Variants in RYR3 observed in about 807,000 individuals in gnomAD.
RYR3 encodes the protein ryanodine receptor 3, also known as brain ryanodine receptor-calcium release channel.
RYR3 carries 207 observed loss-of-function variants against 584.3 expected under a neutral mutation model. That is an observed-to-expected ratio of 0.35 (90% CI 0.32 to 0.40). RYR3 has a LOEUF of 0.40. Among genes scored for constraint, RYR3 ranks in the 10% least tolerant of loss-of-function variants. RYR3 has a pLI of 1.00. For missense variants in RYR3, 5,616 were observed against 6,089.2 expected, an observed-to-expected ratio of 0.92 and a Z score of 2.59; for synonymous variants, 2,416 against 2,248.5, an observed-to-expected ratio of 1.07 and a Z score of -2.11.
chr15:33,515,831 C>T (rs1367641409), intron 3 of RYR3, among the ~76,000 whole-genome samples: 1 of 152,190 alleles, frequency 6.6e-6, no homozygotes, highest in Non-Finnish European at 1.5e-5. Context: ...TCAATGTGCA[C>T]TTATTTTCTA....
At chr15:33,446,056 A>G (rs906728950) in intron 1 of RYR3, among the ~76,000 whole-genome samples, 1 of 152,108 alleles carries the variant, frequency 6.6e-6, no homozygotes, top group African/African-American at 2.4e-5. Context: ...AATGGAGGCA[A>G]TTTCTTCAAA....
At chr15:33,495,067 A>G (rs1464939064) in intron 2 of RYR3, among the ~76,000 whole-genome samples, 4 of 152,208 alleles carry the variant, frequency 2.6e-5, no homozygotes, top group African/African-American at 7.2e-5. Flanking sequence ...TAAAATGAAA[A>G]TATTCCCACC....
chr15:33,697,169 C>T (rs776400940), intron 39 of RYR3, among the ~76,000 whole-genome samples: 1 of 152,186 alleles, frequency 6.6e-6, no homozygotes, highest in South Asian at 2.1e-4. Context: ...ACCCTTGAGC[C>T]AGCATACCAA....
chr15:33,755,940 A>C (rs2071776417), intron 58 of RYR3, among the ~76,000 whole-genome samples: 1 of 151,930 alleles, frequency 6.6e-6, no homozygotes, highest in Non-Finnish European at 1.5e-5. Flanking sequence ...TGCCTGGCTA[A>C]TTTTTGTATT....
At chr15:33,628,691 G>C in intron 21 of RYR3, 116 bp downstream of exon 21, 1 of 659,978 alleles carries the variant, frequency 1.5e-6, no homozygotes, top group Non-Finnish European at 2.7e-6. Context: ...ACACTGAGGA[G>C]ACCAGGTCTT....
chr15:33,822,189 C>T (rs1037330748), intron 80 of RYR3, among the ~76,000 whole-genome samples: 1 of 152,216 alleles, frequency 6.6e-6, no homozygotes, highest in Non-Finnish European at 1.5e-5. Flanking sequence ...AACCAAGTAC[C>T]TGACACATGG....
intron 45 of RYR3, among the ~76,000 whole-genome samples, chr15:33,725,974 CCCA>C (rs2068393719): frequency 2.1e-3 from 78 of 37,642 alleles, no homozygotes; most frequent in Middle Eastern, 0.032. Flanking sequence ...CATCCCCCCC[CCCA>C]AAAAAAAAAA....
rs186867692 is a variant in RYR3 at position 33,729,159 on chromosome 15, G to A, written c.7203+133G>A. 4.5e-4 allele frequency: 335 copies of A among 749,966 alleles called. No individual in the cohort carries two copies. In the African/African-American group the frequency reaches 5.4e-3, roughly 12 times the overall value. The allele number at this position is 749,966 out of a possible 1,614,324, so 46.5% of individuals were successfully genotyped here. A position where few individuals can be genotyped will look rare whatever the true frequency, so the allele number is the denominator to read the frequency against. On this transcript the variant is annotated intron_variant, in intron 47 of 103. Coordinates refer to ENST00000634891, the MANE Select transcript of RYR3 (RefSeq NM_001036.6). Reference sequence around the variant, plus strand: ...GCTTACTTTAATGGGTGAGAAAATAGAGGTATCATGAAATGGAAGATCTTA... The same window carrying A: ...GCTTACTTTAATGGGTGAGAAAATAAAGGTATCATGAAATGGAAGATCTTA...
intron 102 of RYR3, among the ~76,000 whole-genome samples, chr15:33,863,211 G>C (rs1220824458): frequency 6.6e-6 from 1 of 152,236 alleles, no homozygotes; most frequent in Non-Finnish European, 1.5e-5. Flanking sequence ...CACCTAAAAT[G>C]GTGCTTTGTT....
At chr15:33,560,840 G>C (rs1159911186) in intron 10 of RYR3, among the ~76,000 whole-genome samples, 2 of 150,910 alleles carry the variant, frequency 1.3e-5, no homozygotes, top group Non-Finnish European at 3.0e-5. Flanking sequence ...TCAGAAATAT[G>C]TTTTTCTGGA....
intron 1 of RYR3, among the ~76,000 whole-genome samples, chr15:33,382,375 G>A (rs1429993966): frequency 1.5e-5 from 2 of 135,184 alleles, no homozygotes; most frequent in Non-Finnish European, 3.0e-5. Context: ...CCAGGCTGGA[G>A]TACAGTGGCA....
Position 33,856,979 on chromosome 15 carries a change from C to A in RYR3, c.14008-801C>A, listed in dbSNP as rs572214541. ...CGGCCTGGGGTTTTTTAAGCAGCAG[C>A]ATTAGAGTAGAAGCTACATTGTGAA... is the stretch of plus-strand genomic sequence containing the variant. On this transcript the variant is annotated intron_variant, in intron 98 of 103. Coordinates refer to ENST00000634891, the MANE Select transcript of RYR3 (RefSeq NM_001036.6). 3.3e-5 allele frequency among the ~76,000 whole-genome samples: 5 copies of A among 152,164 alleles called. No individual in the cohort carries two copies. In the East Asian group the frequency reaches 9.7e-4, roughly 30 times the overall value.
intron 12 of RYR3, among the ~76,000 whole-genome samples, chr15:33,579,035 G>C (rs1484213415): frequency 6.6e-6 from 1 of 151,260 alleles, no homozygotes; most frequent in Non-Finnish European, 1.5e-5. Flanking sequence ...GATTAAAACA[G>C]AAAAAGAGAC....
chr15:33,574,165 G>C (rs1420219677), intron 12 of RYR3, among the ~76,000 whole-genome samples: 1 of 152,164 alleles, frequency 6.6e-6, no homozygotes, highest in East Asian at 1.9e-4. Context: ...CCAACTCCCT[G>C]TGTGGTGCAT....
chr15:33,539,487 C>G (rs750168075), intron 6 of RYR3, 25 bp downstream of exon 6: 96 of 1,434,036 alleles, frequency 6.7e-5, no homozygotes, highest in Non-Finnish European at 9.0e-5. Flanking sequence ...ATATAAGAGT[C>G]TTCTGTTTTC....
intron 67 of RYR3, among the ~76,000 whole-genome samples, chr15:33,799,130 C>G (rs530581003): frequency 6.6e-6 from 1 of 152,288 alleles, no homozygotes; most frequent in African/African-American, 2.4e-5. Context: ...ATTTGCTCTT[C>G]ATCTCTGCTT....
Position 33,613,188 on chromosome 15 carries a change from A to G in RYR3, c.2170A>G (p.Ile724Val). 6.2e-7 allele frequency: 1 copy of G among 1,610,998 alleles called. No individual in the cohort carries two copies. Among genetic ancestry groups the G allele is most frequent in the South Asian group, 1.1e-5 (1 of 90,882 alleles). The change falls in exon 19 of 104, where the codon ATA becomes GTA. Residue 724 changes from isoleucine (I) to valine (V), a missense_variant. Ile to Val is a conservative substitution (Grantham distance 29). Around this residue, in one of 9 missense-constraint regions of RYR3, gnomAD observed 1,284 missense variants for 1,344.6 expected, o/e 0.95. Transcript: ENST00000634891. ...TCCTGTTCTTTCCTCACCAGGCCGG[A>G]TACCCAGAGCTGTGGCTTCCATCAA... ...FDGLHLWSGR[I>V]PRAVASINQH...
chr15:33,668,926 C>G (rs2063649316), intron 36 of RYR3, among the ~76,000 whole-genome samples: 1 of 152,040 alleles, frequency 6.6e-6, no homozygotes, highest in Admixed American at 6.6e-5. Flanking sequence ...AATTATAATT[C>G]TTCCATATAA....
At chr15:33,450,087 T>TTAAAAAA (rs2046988874) in intron 1 of RYR3, among the ~76,000 whole-genome samples, 3 of 67,340 alleles carry the variant, frequency 4.5e-5, no homozygotes, top group Admixed American at 2.2e-4. Flanking sequence ...CATTAATACC[T>TTAAAAAA]AAAAAAAAAA....
Sources: gnomAD v4.1 joint callset for allele counts (sites outside exome capture counted in the v4.1 genomes callset) on GRCh38, gnomAD v4.1.1 for gene constraint, gnomAD v4.1.1 regional missense constraint, MANE v1.5 for transcripts, NCBI Gene and HGNC (gene_info 2026-07-23, HGNC 2026-07-21) for gene names.